The following CNTN5 variants were observed in gnomAD, a reference collection of about 807,000 sequenced individuals.
CNTN5 encodes contactin 5, also known as contactin-5.
CNTN5 carries 77 observed loss-of-function variants against 129.1 expected under a neutral mutation model. That is an observed-to-expected ratio of 0.60 (90% CI 0.50 to 0.72). The LOEUF is 0.72. Ranked by LOEUF, CNTN5 falls within the 30% of genes least tolerant of loss-of-function variation. The pLI, the probability that CNTN5 is intolerant of heterozygous loss-of-function variation, is 0.00. For synonymous variants in CNTN5, 509 were observed against 465.6 expected (o/e 1.09, Z -1.20); for missense variants, 1,478 against 1,328.8 (o/e 1.11, Z -1.75).
chr11:100,099,435 T>G (rs766241471), intron 13 of CNTN5, among the ~76,000 whole-genome samples: 2 of 152,086 alleles, frequency 1.3e-5, no homozygotes, highest in Non-Finnish European at 2.9e-5. Flanking sequence ...CTACCCTCAT[T>G]CCTGCATCCT....
rs1235817721 is a variant in CNTN5 at position 99,227,418 on chromosome 11, G to A, written c.-209-97928G>A. Among the ~76,000 whole-genome samples the A allele has an allele frequency of 5.3e-5, 8 of 151,616 alleles. No homozygotes were observed. In the East Asian group the frequency reaches 1.2e-3, roughly 22 times the overall value. On this transcript the variant is annotated intron_variant, in intron 1 of 24. Transcript: ENST00000524871. ...CCTAATAAAATTGTTTGCACTATAT[G>A]GCCTCAATTTATCGTGTAGAGGAAA...
chr11:99,709,997 C>T (rs547894127), intron 3 of CNTN5, among the ~76,000 whole-genome samples: 24 of 152,074 alleles, frequency 1.6e-4, no homozygotes, highest in African/African-American at 5.5e-4. Context: ...ACAGTTCATT[C>T]TGCCTGCCTT....
chr11:99,639,252 C>G (rs1951678242), intron 3 of CNTN5, among the ~76,000 whole-genome samples: 2 of 152,126 alleles, frequency 1.3e-5, no homozygotes, highest in Admixed American at 1.3e-4. Context: ...AGTCCCTTGG[C>G]TGCACACAAC....
chr11:99,293,778 T>G (rs1229042981), intron 1 of CNTN5, among the ~76,000 whole-genome samples: 1 of 152,102 alleles, frequency 6.6e-6, no homozygotes, highest in Non-Finnish European at 1.5e-5. Context: ...TATTTTTAAC[T>G]CTGATTTTAT....
At chr11:99,730,403 G>A (rs143302978) in intron 3 of CNTN5, among the ~76,000 whole-genome samples, 18 of 152,226 alleles carry the variant, frequency 1.2e-4, no homozygotes, top group East Asian at 9.7e-4. Flanking sequence ...TATTAACTTC[G>A]TAAATAAAGA....
chr11:99,566,723 T>G (rs998285482), intron 3 of CNTN5, among the ~76,000 whole-genome samples: 1 of 152,188 alleles, frequency 6.6e-6, no homozygotes, highest in Non-Finnish European at 1.5e-5. Flanking sequence ...TAGAACAGCC[T>G]AATAGGACAC....
intron 13 of CNTN5, among the ~76,000 whole-genome samples, chr11:100,090,390 C>T (rs1944709596): frequency 8.6e-5 from 13 of 151,904 alleles, no homozygotes; most frequent in Admixed American, 7.2e-4. Context: ...TTTCTTTTTC[C>T]CTCTGTCCCT....
intron 3 of CNTN5, among the ~76,000 whole-genome samples, chr11:99,735,762 C>A (rs1045295125): frequency 3.9e-5 from 6 of 152,146 alleles, no homozygotes; most frequent in African/African-American, 1.4e-4. Context: ...ACATATTCAT[C>A]ACCTCATACG....
chr11:99,103,907 C>T lies in CNTN5; in HGVS notation c.-210+82637C>T, dbSNP rs141222835. Among the ~76,000 whole-genome samples the T allele has an allele frequency of 7.1e-3, 1,078 of 152,220 alleles. 13 individuals carry two copies. The highest frequency in any genetic ancestry group is 0.01 in the Non-Finnish European group (697 of 68,012). The stretch of plus-strand genomic sequence containing the variant: ...GAAGGTGGAAGAGTCAAGGAAAATT[C>T]TCCTCTATCATCTTCAAAACACTGT... On this transcript the variant is annotated intron_variant, in intron 1 of 24. Transcript: ENST00000524871.
chr11:99,199,720 C>A (rs1272897107), intron 1 of CNTN5, among the ~76,000 whole-genome samples: 1 of 152,152 alleles, frequency 6.6e-6, no homozygotes, highest in Non-Finnish European at 1.5e-5. Context: ...AGTATCCTTT[C>A]CTCCAATATT....
Position 99,027,266 on chromosome 11 carries a change from T to C in CNTN5, c.-210+5996T>C, listed in dbSNP as rs529200335. Among the ~76,000 whole-genome samples the C allele has an allele frequency of 2.9e-4, 44 of 151,730 alleles. 1 individual carries two copies. The highest frequency in any genetic ancestry group is 4.1e-4 in the Non-Finnish European group (28 of 67,566). ...TTTCCCAGACTGGCAGGTTTTCTTT[T>C]TTTCCTAGTAATAAATGTTTAATGG... On this transcript the variant is annotated intron_variant, in intron 1 of 24. Coordinates refer to ENST00000524871, the MANE Select transcript of CNTN5 (RefSeq NM_014361.4).
intron 13 of CNTN5, among the ~76,000 whole-genome samples, chr11:100,169,058 A>G (rs536919841): frequency 1.3e-5 from 2 of 152,078 alleles, no homozygotes; most frequent in African/African-American, 4.8e-5. Flanking sequence ...TCTCATGATA[A>G]AAGTTGAAGG....
At chr11:99,134,195 T>A (rs7113723) in intron 1 of CNTN5, among the ~76,000 whole-genome samples, 16 of 151,962 alleles carry the variant, frequency 1.1e-4, no homozygotes, top group Admixed American at 3.3e-4. Context: ...AAGTGGGAGC[T>A]GAACAATGAG....
chr11:99,731,104 C>T (rs1174616281), intron 3 of CNTN5, among the ~76,000 whole-genome samples: 5 of 151,492 alleles, frequency 3.3e-5, no homozygotes, highest in African/African-American at 1.2e-4. Flanking sequence ...TGGAAATCAG[C>T]ATTTTTTTTT....
intron 13 of CNTN5, among the ~76,000 whole-genome samples, chr11:100,127,238 C>T (rs1946218374): frequency 6.6e-6 from 1 of 151,406 alleles, no homozygotes; most frequent in African/African-American, 2.4e-5. Context: ...CAGCACCCAG[C>T]TGGTATTGCT....
chr11:99,640,595 A>C (rs530771171), intron 3 of CNTN5, among the ~76,000 whole-genome samples: 1 of 152,186 alleles, frequency 6.6e-6, no homozygotes, highest in Non-Finnish European at 1.5e-5. Context: ...CATGTCAATT[A>C]TAATACTATA....
intron 7 of CNTN5, among the ~76,000 whole-genome samples, chr11:99,951,529 G>A (rs1211823995): frequency 1.3e-5 from 2 of 151,940 alleles, no homozygotes; most frequent in Admixed American, 1.3e-4. Flanking sequence ...TCAAGCAGAG[G>A]CAAATAATTG....
intron 3 of CNTN5, among the ~76,000 whole-genome samples, chr11:99,759,478 A>G (rs1387270892): frequency 6.6e-6 from 1 of 152,170 alleles, no homozygotes; most frequent in East Asian, 1.9e-4. Context: ...AGCCTACAGC[A>G]CAGTTTCAAA....
intron 6 of CNTN5, among the ~76,000 whole-genome samples, chr11:99,870,384 AATAAT>A (rs1399954777): frequency 2.0e-5 from 3 of 152,142 alleles, no homozygotes; most frequent in African/African-American, 4.8e-5. Context: ...TATATTTGAC[AATAAT>A]ATAATATAAA....
Sources: gnomAD v4.1 joint callset for allele counts (sites outside exome capture counted in the v4.1 genomes callset) on GRCh38, gnomAD v4.1.1 for gene constraint, MANE v1.5 for transcripts, NCBI Gene and HGNC (gene_info 2026-07-23, HGNC 2026-07-21) for gene names.